The following FBXO8 variants were observed in gnomAD, a reference collection of about 807,000 sequenced individuals.
FBXO8 encodes the protein F-box protein 8.
Under a neutral mutation model 33.4 loss-of-function variants are expected in FBXO8, and 15 were observed. That is an observed-to-expected ratio of 0.45 (90% CI 0.30 to 0.69). The LOEUF (loss-of-function observed/expected upper bound fraction) is 0.69. Ranked by LOEUF, FBXO8 falls within the 30% of genes least tolerant of loss-of-function variation. The pLI is 0.08. For synonymous variants in FBXO8, 132 were observed against 131.5 expected (o/e 1.00, Z -0.02); for missense variants, 274 against 380.3 (o/e 0.72, Z 2.32).
intron 1 of FBXO8, among the ~76,000 whole-genome samples, chr4:174,273,096 C>G (rs985895090): frequency 3.9e-5 from 6 of 151,922 alleles, no homozygotes; most frequent in African/African-American, 1.2e-4. Context: ...GAGGACAGCC[C>G]GGGCAACATA....
In FBXO8 at chr4:174,272,928, C is replaced by T. The variant is rs957634588; in HGVS notation, c.-8-9828G>A. 2.0e-5 allele frequency among the ~76,000 whole-genome samples: 3 copies of T among 152,252 alleles called. No individual in the cohort carries two copies. Among genetic ancestry groups the T allele is most frequent in the Non-Finnish European group, 4.4e-5 (3 of 68,022 alleles). On this transcript the variant is annotated intron_variant, in intron 1 of 5. Coordinates refer to ENST00000393674, the MANE Select transcript of FBXO8 (RefSeq NM_012180.3). This position sits in a 1 kb window ranked among gnomAD's most constrained non-coding sequence, Gnocchi z 4.7. ...ATTATATAGTATTCCAGCCAAAAAT[C>T]CATAATCTGAATTTAATAGGGAATA...
intron 1 of FBXO8, among the ~76,000 whole-genome samples, chr4:174,268,493 C>T (rs1024177869): frequency 5.3e-5 from 8 of 152,114 alleles, no homozygotes; most frequent in Non-Finnish European, 1.0e-4. Context: ...AGTGCAGTGG[C>T]GCGATCTCGG....
chr4:174,248,685 T>C (rs1334389199), intron 3 of FBXO8, among the ~76,000 whole-genome samples: 1 of 152,078 alleles, frequency 6.6e-6, no homozygotes, highest in Admixed American at 6.6e-5. Flanking sequence ...ATGAAGAGTT[T>C]TGATTTTACA....
In FBXO8 at chr4:174,256,497, T is replaced by C. The variant is rs547944497; in HGVS notation, c.456+3202A>G. On this transcript the variant is annotated intron_variant, in intron 3 of 5. Transcript: ENST00000393674. The surrounding 1 kb of genome is among the most constrained non-coding windows in gnomAD (Gnocchi z 4.6). ...AAGTATGACTCATACAGATAAGTGC[T>C]ATATAAGAACATTTATTAGGATGGA... Among the ~76,000 whole-genome samples the C allele has an allele frequency of 7.2e-5, 11 of 152,282 alleles. No individual in the cohort carries two copies. The highest frequency in any genetic ancestry group is 2.6e-4 in the African/African-American group (11 of 41,568).
At position 174,251,404 on chromosome 4, in the gene FBXO8, C is replaced by T. The variant is rs946550817; in HGVS notation, c.456+8295G>A. Among the ~76,000 whole-genome samples the T allele has an allele frequency of 7.9e-5, 12 of 152,118 alleles. 1 individual carries two copies. Among genetic ancestry groups the T allele is most frequent in the South Asian group, 4.2e-4 (2 of 4,818 alleles). On this transcript the variant is annotated intron_variant, in intron 3 of 5. Coordinates refer to ENST00000393674, the MANE Select transcript of FBXO8 (RefSeq NM_012180.3). This position sits in a 1 kb window ranked among gnomAD's most constrained non-coding sequence, Gnocchi z 4.2. ...AGTTTCTAAAAGGTTTATTCCGAGT[C>T]CACAAACCTCCTCTGGGAACTGATT...
chr4:174,242,408 T>C (rs1736060708), intron 3 of FBXO8, among the ~76,000 whole-genome samples: 1 of 151,524 alleles, frequency 6.6e-6, no homozygotes, highest in Admixed American at 6.6e-5. Flanking sequence ...TTTTGAAAGG[T>C]TATAATTATC....
Position 174,238,949 on chromosome 4 carries a change from A to G in FBXO8, c.772+45T>C, listed in dbSNP as rs574551578. On this transcript the variant is annotated intron_variant, in intron 5 of 5. Transcript: ENST00000393674. ...GTCTCATATATCTCTGTTTTTACCT[A>G]AAGATGGGCAGGGGGTGATGTACTA... The G allele has an allele frequency of 3.3e-6, 4 of 1,195,580 alleles. No individual in the cohort carries two copies. In the South Asian group the frequency reaches 1.0e-4, roughly 31 times the overall value. The allele number at this position is 1,195,580 out of a possible 1,614,324, so 74.1% of individuals were successfully genotyped here. A position where few individuals can be genotyped will look rare whatever the true frequency, so the allele number is the denominator to read the frequency against.
Position 174,261,166 on chromosome 4 carries a change from T to C in FBXO8, c.330-1341A>G, listed in dbSNP as rs1736550882. ...TATTATCAATATTTTTTCAGTCTTA[T>C]TAATCTAGTCCCAATAAAACCCAAA... On this transcript the variant is annotated intron_variant, in intron 2 of 5. Coordinates refer to ENST00000393674, the MANE Select transcript of FBXO8 (RefSeq NM_012180.3). The surrounding 1 kb of genome is among the most constrained non-coding windows in gnomAD (Gnocchi z 4.1). 6.6e-6 allele frequency among the ~76,000 whole-genome samples: 1 copy of C among 151,976 alleles called. No individual in the cohort carries two copies. Among genetic ancestry groups the C allele is most frequent in the Non-Finnish European group, 1.5e-5 (1 of 67,836 alleles).
chr4:174,280,426 G>T (rs1737054591), intron 1 of FBXO8, among the ~76,000 whole-genome samples: 1 of 151,968 alleles, frequency 6.6e-6, no homozygotes, highest in African/African-American at 2.4e-5. Flanking sequence ...ACAATATGGA[G>T]CTTCCTAAAA....
chr4:174,249,676 A>C (rs1349902395), intron 3 of FBXO8, among the ~76,000 whole-genome samples: 1 of 152,010 alleles, frequency 6.6e-6, no homozygotes, highest in Non-Finnish European at 1.5e-5. Flanking sequence ...TATATACTTA[A>C]TCATGTAACG....
Position 174,247,728 on chromosome 4 carries a change from A to G in FBXO8, c.457-6510T>C, listed in dbSNP as rs1736191787. On this transcript the variant is annotated intron_variant, in intron 3 of 5. Coordinates refer to ENST00000393674, the MANE Select transcript of FBXO8 (RefSeq NM_012180.3). This position sits in a 1 kb window ranked among gnomAD's most constrained non-coding sequence, Gnocchi z 4.6. ...AGATAATGTAAAAATTAAGTGACAC[A>G]ATATACGTTATTAATAGTAAAAATA... Among the ~76,000 whole-genome samples the G allele has an allele frequency of 6.6e-6, 1 of 152,080 alleles. No homozygotes were observed.
At chr4:174,240,397 T>C (rs1736005363) in intron 4 of FBXO8, among the ~76,000 whole-genome samples, 1 of 151,688 alleles carries the variant, frequency 6.6e-6, no homozygotes, top group Non-Finnish European at 1.5e-5. Flanking sequence ...TATACAAAAG[T>C]TTGAGAATTA....
In FBXO8 at chr4:174,254,799, C is replaced by T. The variant is rs1163997314; in HGVS notation, c.456+4900G>A. On this transcript the variant is annotated intron_variant, in intron 3 of 5. Coordinates refer to ENST00000393674, the MANE Select transcript of FBXO8 (RefSeq NM_012180.3). This position sits in a 1 kb window ranked among gnomAD's most constrained non-coding sequence, Gnocchi z 4.2. ...CCAAAGGAAAGAAAACAATTACAGA[C>T]CCACAGACTTTGATAAGAGAGAAGA... Among the ~76,000 whole-genome samples, 1 of 152,046 alleles carries T rather than the reference C, an allele frequency of 6.6e-6. No individual in the cohort carries two copies. Among genetic ancestry groups the T allele is most frequent in the Non-Finnish European group, 1.5e-5 (1 of 67,984 alleles).
At chr4:174,249,896 T>C (rs1436478001) in intron 3 of FBXO8, among the ~76,000 whole-genome samples, 5 of 151,996 alleles carry the variant, frequency 3.3e-5, no homozygotes, top group Non-Finnish European at 7.4e-5. Flanking sequence ...CTAGGAGATA[T>C]TGATGTGACC....
Position 174,276,480 on chromosome 4 carries a change from C to G in FBXO8, c.-9+6930G>C, listed in dbSNP as rs908048820. Among the ~76,000 whole-genome samples the G allele has an allele frequency of 2.4e-4, 37 of 152,192 alleles. 1 individual carries two copies. The highest frequency in any genetic ancestry group is 7.7e-4 in the African/African-American group (32 of 41,448). Reference sequence around the variant, plus strand: ...CTTGAACTCCTGACTATGTGATCCGCCTGCCTCGGCCTCCCAGAGTGCTAG... The same window carrying G: ...CTTGAACTCCTGACTATGTGATCCGGCTGCCTCGGCCTCCCAGAGTGCTAG... On this transcript the variant is annotated intron_variant, in intron 1 of 5. Coordinates refer to ENST00000393674, the MANE Select transcript of FBXO8 (RefSeq NM_012180.3).
intron 3 of FBXO8, among the ~76,000 whole-genome samples, chr4:174,244,731 T>C (rs1422802340): frequency 1.3e-5 from 2 of 151,714 alleles, no homozygotes; most frequent in Admixed American, 6.6e-5. Context: ...AGGAAACTAC[T>C]GGCCAAAATA....
chr4:174,279,526 A>G (rs1456923045), intron 1 of FBXO8, among the ~76,000 whole-genome samples: 2 of 152,130 alleles, frequency 1.3e-5, no homozygotes, highest in Non-Finnish European at 2.9e-5. Context: ...ATGGAATCTC[A>G]AGGGACCTCT....
intron 3 of FBXO8, among the ~76,000 whole-genome samples, chr4:174,248,568 A>G (rs1323985888): frequency 6.6e-6 from 1 of 152,082 alleles, no homozygotes; most frequent in Non-Finnish European, 1.5e-5. Context: ...CACACTGTCC[A>G]CACTGAAGTG....
At position 174,281,186 on chromosome 4, in the gene FBXO8, T is replaced by C. The variant is rs1006166220; in HGVS notation, c.-9+2224A>G. On this transcript the variant is annotated intron_variant, in intron 1 of 5. Coordinates refer to ENST00000393674, the MANE Select transcript of FBXO8 (RefSeq NM_012180.3). This position sits in a 1 kb window ranked among gnomAD's most constrained non-coding sequence, Gnocchi z 4.6. ...GTATTTAACATCTGTCCTTTCCATC[T>C]CTTTTTTCCCTATATTCATGACTTC... Among the ~76,000 whole-genome samples the C allele has an allele frequency of 3.3e-5, 5 of 152,154 alleles. No individual in the cohort carries two copies. The highest frequency in any genetic ancestry group is 2.1e-4 in the South Asian group (1 of 4,828).
Sources: gnomAD v4.1 joint callset for allele counts (sites outside exome capture counted in the v4.1 genomes callset) on GRCh38, gnomAD v4.1.1 for gene constraint, Gnocchi (gnomAD v3.1) non-coding constraint, MANE v1.5 for transcripts, NCBI Gene and HGNC (gene_info 2026-07-23, HGNC 2026-07-21) for gene names.